The following EML6 variants were observed in gnomAD, a reference collection of about 807,000 sequenced individuals.
The protein encoded by EML6 is echinoderm microtubule-associated protein-like 6.
In EML6, 154 loss-of-function variants were observed where a neutral mutation model predicts 240.1. That is an observed-to-expected ratio of 0.64 (90% CI 0.56 to 0.73). EML6 has a LOEUF of 0.73. Among genes scored for constraint, EML6 ranks in the 30% least tolerant of loss-of-function variants. The pLI is 0.00. For synonymous variants in EML6, 1,148 were observed against 899.0 expected, an observed-to-expected ratio of 1.28 and a Z score of -4.95; for missense variants, 2,964 against 2,474.6, an observed-to-expected ratio of 1.20 and a Z score of -4.20.
chr2:54,944,754 C>T (rs1383522953), intron 28 of EML6, among the ~76,000 whole-genome samples: 2 of 152,056 alleles, frequency 1.3e-5, no homozygotes. Context: ...CTTTCCATCA[C>T]CCCATCACTA....
At chr2:54,829,561 C>T in intron 7 of EML6, 84 bp downstream of exon 7, 3 of 1,122,186 alleles carry the variant, frequency 2.7e-6, no homozygotes, top group Non-Finnish European at 3.7e-6. Flanking sequence ...TCTCTGTACC[C>T]CATTTTAAAA....
chr2:54,943,548 C>G (rs1011249196), intron 28 of EML6, among the ~76,000 whole-genome samples: 1 of 152,202 alleles, frequency 6.6e-6, no homozygotes, highest in East Asian at 1.9e-4. Flanking sequence ...TTTCTTCATT[C>G]TCTATCCTAT....
chr2:54,791,011 C>T (rs1669418059), intron 2 of EML6, among the ~76,000 whole-genome samples: 3 of 152,260 alleles, frequency 2.0e-5, no homozygotes, highest in South Asian at 4.1e-4. Context: ...AGGCGTGAGC[C>T]ACCGCGCCCG....
chr2:54,773,638 G>A (rs572889384), intron 2 of EML6, among the ~76,000 whole-genome samples: 1 of 152,344 alleles, frequency 6.6e-6, no homozygotes, highest in East Asian at 1.9e-4. Flanking sequence ...AATTTACATT[G>A]TCTAAGCTCT....
chr2:54,896,436 A>G (rs1356979657), intron 21 of EML6, among the ~76,000 whole-genome samples: 1 of 152,216 alleles, frequency 6.6e-6, no homozygotes, highest in African/African-American at 2.4e-5. Context: ...GAACTAAAAT[A>G]AATGTAACAG....
At chr2:54,824,793 C>G (rs1014200943) in intron 5 of EML6, among the ~76,000 whole-genome samples, 2 of 152,138 alleles carry the variant, frequency 1.3e-5, no homozygotes, top group African/African-American at 4.8e-5. Flanking sequence ...TAGATGAACT[C>G]AAGGTACCTG....
At position 54,970,939 on chromosome 2, in the gene EML6, C is replaced by G. The variant is rs992106212; in HGVS notation, c.*844C>G. 7.9e-5 allele frequency: 12 copies of G among 152,114 alleles called. No individual in the cohort carries two copies. Among genetic ancestry groups the G allele is most frequent in the African/African-American group, 2.9e-4 (12 of 41,418 alleles). 9.4% of individuals were successfully genotyped at this position (152,114 alleles called of 1,614,324 possible). On this transcript the variant is annotated 3_prime_UTR_variant, in exon 42 of 42. Coordinates refer to ENST00000356458, the MANE Select transcript of EML6 (RefSeq NM_001039753.4). ...TATGGGTTTTCATTGTGTTTCATGC[C>G]AAACCCACAAAATCCAAAATAGAAT...
rs376771027 is a variant in EML6, at chr2:54,968,124, A to G, written c.5598-4A>G. 5.2e-5 allele frequency: 81 copies of G among 1,550,604 alleles called. No homozygotes were observed. The highest frequency in any genetic ancestry group is 6.6e-5 in the Non-Finnish European group (76 of 1,146,970). On this transcript the variant is annotated splice_region_variant and splice_polypyrimidine_tract_variant and intron_variant, in intron 39 of 41. Transcript: ENST00000356458. ...TATCCTAACCCCTCTTTCTGTTGGA[A>G]CAGCGTCCTGGGAGATGAAGTCATT...
Position 54,950,683 on chromosome 2 carries a change from G to T in EML6, c.4117G>T (p.Gly1373Cys). ...LALDHVFGYR[G>C]FDCRNNLHYL... The stretch of plus-strand genomic sequence containing the variant: ...TCTAGACCACGTGTTTGGCTACAGA[G>T]GTTTCGACTGTCGAAATAACCTGCA... The change falls in exon 30 of 42, where the codon GGT becomes TGT. Residue 1373 changes from glycine to cysteine, a missense_variant. Transcript: ENST00000356458. The T allele has an allele frequency of 3.9e-6, 6 of 1,551,634 alleles. No homozygotes were observed. Among genetic ancestry groups the T allele is most frequent in the Non-Finnish European group, 5.2e-6 (6 of 1,146,976 alleles).
intron 29 of EML6, among the ~76,000 whole-genome samples, chr2:54,949,826 C>T (rs1028910923): frequency 6.6e-6 from 1 of 152,234 alleles, no homozygotes; most frequent in Admixed American, 6.5e-5. Context: ...TTCTCGGAAG[C>T]TGCCTGGGAC....
At chr2:54,894,296 G>C (rs1408936154) in intron 19 of EML6, among the ~76,000 whole-genome samples, 2 of 151,502 alleles carry the variant, frequency 1.3e-5, no homozygotes, top group Non-Finnish European at 1.5e-5. Context: ...GCTTAGAACA[G>C]GAATAAAGAT....
At chr2:54,926,898 C>T (rs1052525179) in intron 26 of EML6, among the ~76,000 whole-genome samples, 1 of 152,138 alleles carries the variant, frequency 6.6e-6, no homozygotes, top group South Asian at 2.1e-4. Flanking sequence ...CCCTGTGTCC[C>T]TCTTATAAGT....
chr2:54,728,574 C>T (rs945982948), intron 2 of EML6, among the ~76,000 whole-genome samples: 5 of 152,238 alleles, frequency 3.3e-5, no homozygotes, highest in African/African-American at 1.2e-4. Context: ...TGAGTGGCAT[C>T]ACTTTTCAGG....
chr2:54,850,910 C>G (rs1183276673), intron 10 of EML6, among the ~76,000 whole-genome samples: 2 of 152,178 alleles, frequency 1.3e-5, no homozygotes, highest in Non-Finnish European at 2.9e-5. Flanking sequence ...AGGGATACAT[C>G]TCAAAAATAT....
At chr2:54,885,724 G>C (rs1304623795) in intron 17 of EML6, among the ~76,000 whole-genome samples, 2 of 151,990 alleles carry the variant, frequency 1.3e-5, no homozygotes, top group Admixed American at 6.6e-5. Flanking sequence ...CCATTCTCTT[G>C]CCTCAGCCTC....
chr2:54,910,837 A>G (rs1673601013), intron 24 of EML6, 117 bp from the exon 25 acceptor site: 1 of 572,892 alleles, frequency 1.7e-6, no homozygotes, highest in Non-Finnish European at 3.2e-6. Flanking sequence ...AAATGTATTT[A>G]CTCAATTTGT....
chr2:54,824,453 C>G (rs1422950206), intron 5 of EML6, among the ~76,000 whole-genome samples: 8 of 152,120 alleles, frequency 5.3e-5, no homozygotes, highest in Non-Finnish European at 1.0e-4. Context: ...TATCCAATTA[C>G]CAGGATTTCT....
intron 2 of EML6, among the ~76,000 whole-genome samples, chr2:54,784,855 A>G (rs1458821101): frequency 4.5e-5 from 2 of 44,382 alleles, no homozygotes; most frequent in East Asian, 1.3e-3. Context: ...TAAGGAAGAG[A>G]AAAATACCCT....
chr2:54,900,340 G>T (rs1672991083), intron 22 of EML6, among the ~76,000 whole-genome samples: 2 of 152,202 alleles, frequency 1.3e-5, no homozygotes, highest in Non-Finnish European at 1.5e-5. Context: ...AGATAGACAG[G>T]ACTTGAACAG....
Sources: gnomAD v4.1 joint callset for allele counts (sites outside exome capture counted in the v4.1 genomes callset) on GRCh38, gnomAD v4.1.1 for gene constraint, MANE v1.5 for transcripts, NCBI Gene and HGNC (gene_info 2026-07-23, HGNC 2026-07-21) for gene names.